The following ARMH4 variants were observed in gnomAD, a reference collection of about 807,000 sequenced individuals.
ARMH4 encodes the protein armadillo like helical domain containing 4.
ARMH4 carries 49 observed loss-of-function variants against 61.9 expected under a neutral mutation model. That is an observed-to-expected ratio of 0.79 (90% CI 0.63 to 1.00). The LOEUF is 1.00. ARMH4 is among the 50% of genes least tolerant of loss of function. The probability of loss-of-function intolerance (pLI) is 0.00; values close to 1 mark genes in which losing one functional copy is unlikely to be tolerated. For synonymous variants in ARMH4, 368 were observed against 341.5 expected (o/e 1.08, Z -0.85); for missense variants, 934 against 930.0 (o/e 1.00, Z -0.06).
intron 5 of ARMH4, among the ~76,000 whole-genome samples, chr14:58,059,197 C>T (rs1027483727): frequency 6.6e-6 from 1 of 152,250 alleles, no homozygotes; most frequent in Non-Finnish European, 1.5e-5. Context: ...CAGCAGAGAG[C>T]TGCATTAGCA....
At chr14:58,078,841 A>G (rs558731435) in intron 5 of ARMH4, among the ~76,000 whole-genome samples, 41 of 152,368 alleles carry the variant, frequency 2.7e-4, no homozygotes, top group Non-Finnish European at 5.0e-4. Flanking sequence ...GCCTAAGCCA[A>G]TGGGACCAAT....
At chr14:58,048,019 C>T (rs996178462) in intron 5 of ARMH4, among the ~76,000 whole-genome samples, 2 of 152,142 alleles carry the variant, frequency 1.3e-5, no homozygotes, top group Admixed American at 1.3e-4. Flanking sequence ...CAGGAAAATG[C>T]CTGCAGCCTT....
At chr14:58,060,461 CT>C (rs1423053889) in intron 5 of ARMH4, among the ~76,000 whole-genome samples, 1 of 152,160 alleles carries the variant, frequency 6.6e-6, no homozygotes, top group African/African-American at 2.4e-5. Context: ...GATATAAAGA[CT>C]TTGAAAATAA....
intron 5 of ARMH4, among the ~76,000 whole-genome samples, chr14:58,061,866 G>C (rs1426332322): frequency 1.3e-5 from 2 of 152,070 alleles, no homozygotes; most frequent in African/African-American, 2.4e-5. Context: ...CAGGGGATGA[G>C]CCAGAGGTGG....
chr14:58,041,771 CA>C (rs1423317203), intron 5 of ARMH4, among the ~76,000 whole-genome samples: 1 of 151,404 alleles, frequency 6.6e-6, no homozygotes, highest in African/African-American at 2.4e-5. Context: ...AAATGGAAAA[CA>C]AAAAAAGAGC....
chr14:58,076,116 G>GGGAGGA (rs879876489), intron 5 of ARMH4, among the ~76,000 whole-genome samples: 2 of 150,778 alleles, frequency 1.3e-5, no homozygotes, highest in Admixed American at 6.6e-5. Flanking sequence ...GAGGGGGAAG[G>GGGAGGA]GGAGGAGGAG....
rs762729288 is a variant in ARMH4, at chr14:58,137,992, T to G, written c.1367A>C (p.Lys456Thr). The part of the protein sequence containing the change: ...EADQLLGNTM[K>T]DIITQEMTTA... Reference sequence around the variant, plus strand: ...GTTTTTCTTTTTCTTTCTTTTACCTTTCATTGTATTTCCCAACAGTTGGTC... The same window carrying G: ...GTTTTTCTTTTTCTTTCTTTTACCTGTCATTGTATTTCCCAACAGTTGGTC... The change falls in exon 2 of 8, where the codon AAA becomes ACA. Residue 456 changes from lysine (K) to threonine (T), a missense_variant and splice_region_variant. Transcript: ENST00000267485. 3.8e-6 allele frequency: 6 copies of G among 1,595,126 alleles called. No homozygotes were observed. The highest frequency in any genetic ancestry group is 5.1e-6 in the Non-Finnish European group (6 of 1,167,662).
chr14:58,107,856 C>T (rs1442060435), intron 4 of ARMH4, among the ~76,000 whole-genome samples: 2 of 151,920 alleles, frequency 1.3e-5, no homozygotes, highest in African/African-American at 2.4e-5. Flanking sequence ...ATGGACTGAG[C>T]GCATATTAGC....
At chr14:58,055,799 T>C (rs1566560463) in intron 5 of ARMH4, among the ~76,000 whole-genome samples, 1 of 152,202 alleles carries the variant, frequency 6.6e-6, no homozygotes, top group Non-Finnish European at 1.5e-5. Flanking sequence ...AGGAACAAAC[T>C]TGATGGAGGC....
At chr14:58,114,682 A>G (rs1886462875) in intron 4 of ARMH4, among the ~76,000 whole-genome samples, 1 of 152,208 alleles carries the variant, frequency 6.6e-6, no homozygotes, top group African/African-American at 2.4e-5. Flanking sequence ...CCAATTTCAA[A>G]TACTCATAAG....
intron 5 of ARMH4, among the ~76,000 whole-genome samples, chr14:58,030,884 A>T (rs1249688858): frequency 3.3e-5 from 5 of 152,184 alleles, no homozygotes; most frequent in Non-Finnish European, 7.3e-5. Context: ...ATCAATGGAC[A>T]CTCGGGGTAC....
intron 5 of ARMH4, among the ~76,000 whole-genome samples, chr14:58,070,892 T>A (rs188081538): frequency 2.8e-4 from 43 of 152,286 alleles, no homozygotes; most frequent in African/African-American, 9.9e-4. Context: ...CTGGTAATGA[T>A]CCTTCTACTC....
At chr14:58,045,611 T>TAA (rs35233829) in intron 5 of ARMH4, among the ~76,000 whole-genome samples, 3,077 of 133,820 alleles carry the variant, frequency 0.023, 39 homozygotes, top group East Asian at 0.087. Flanking sequence ...TAAAGTATAA[T>TAA]AAAAAAAAAA....
At chr14:58,014,214 C>CTCTCT (rs1882516516) in intron 5 of ARMH4, among the ~76,000 whole-genome samples, 1 of 152,166 alleles carries the variant, frequency 6.6e-6, no homozygotes, top group African/African-American at 2.4e-5. Flanking sequence ...CATGCAGAGC[C>CTCTCT]CTTGTCAAGA....
intron 6 of ARMH4, among the ~76,000 whole-genome samples, chr14:58,009,413 G>C (rs1217028656): frequency 2.0e-5 from 3 of 152,090 alleles, no homozygotes; most frequent in Non-Finnish European, 4.4e-5. Context: ...AGGTGACCTT[G>C]GGAATGAAGG....
At chr14:58,048,794 G>A (rs1884025313) in intron 5 of ARMH4, among the ~76,000 whole-genome samples, 1 of 152,186 alleles carries the variant, frequency 6.6e-6, no homozygotes, top group Non-Finnish European at 1.5e-5. Context: ...GACATTGAGT[G>A]TGAAGTGAGA....
chr14:58,134,524 T>TA (rs1293806736), intron 2 of ARMH4, among the ~76,000 whole-genome samples: 4 of 151,832 alleles, frequency 2.6e-5, no homozygotes, highest in Non-Finnish European at 5.9e-5. Context: ...GAGCAACTAC[T>TA]AAAAACTTAA....
intron 5 of ARMH4, among the ~76,000 whole-genome samples, chr14:58,021,176 C>T (rs995687487): frequency 2.0e-5 from 3 of 152,184 alleles, no homozygotes; most frequent in East Asian, 1.9e-4. Flanking sequence ...GATTCAAATG[C>T]GATACGGTCT....
intron 1 of ARMH4, among the ~76,000 whole-genome samples, chr14:58,148,846 T>TACAC (rs138826141): frequency 0.02 from 2,854 of 145,800 alleles, 46 homozygotes; most frequent in East Asian, 0.045. Flanking sequence ...CAGAGTTTAT[T>TACAC]ACACACACAC....
Sources: allele counts gnomAD v4.1 joint callset (sites outside exome capture counted in the v4.1 genomes callset), GRCh38; gene constraint gnomAD v4.1.1; transcripts MANE v1.5; gene names NCBI Gene and HGNC (gene_info 2026-07-23, HGNC 2026-07-21).